The following PTPRD variants were observed in gnomAD, a reference collection of about 807,000 sequenced individuals.
The protein encoded by PTPRD is receptor-type tyrosine-protein phosphatase delta.
Under a neutral mutation model 214.5 loss-of-function variants are expected in PTPRD, and 34 were observed. The observed-to-expected ratio is 0.16, with a 90% CI of 0.12 to 0.21. The LOEUF (loss-of-function observed/expected upper bound fraction) is 0.21, where lower values mean the gene tolerates loss of function less well. Among genes scored for constraint, PTPRD ranks in the 10% least tolerant of loss-of-function variants. The probability of loss-of-function intolerance (pLI) is 1.00; values close to 1 mark genes in which losing one functional copy is unlikely to be tolerated. For synonymous variants in PTPRD, 1,128 were observed against 845.7 expected, an observed-to-expected ratio of 1.33 and a Z score of -5.79; for missense variants, 2,545 against 2,398.7, an observed-to-expected ratio of 1.06 and a Z score of -1.27.
At chr9:8,599,641 G>A (rs1480159709) in intron 14 of PTPRD, among the ~76,000 whole-genome samples, 1 of 11,138 alleles carries the variant, frequency 9.0e-5, no homozygotes, top group African/African-American at 3.3e-4. Context: ...TTTTTTTTTT[G>A]AAACGGAGTT....
rs552015606 is a variant in PTPRD, at chr9:8,731,649, A to G, written c.64+2131T>C. On this transcript the variant is annotated intron_variant, in intron 12 of 45. Transcript: ENST00000381196. The stretch of plus-strand genomic sequence containing the variant: ...TTAAACATTTTTAGTGACTAAAATG[A>G]TATCTCCGACTCTACCATGTGCTTT... 1.8e-4 allele frequency among the ~76,000 whole-genome samples: 27 copies of G among 152,350 alleles called. No homozygotes were observed. In the South Asian group the frequency reaches 5.4e-3, roughly 30 times the overall value.
At chr9:9,921,227 C>G (rs2082446225) in intron 5 of PTPRD, among the ~76,000 whole-genome samples, 1 of 152,082 alleles carries the variant, frequency 6.6e-6, no homozygotes, top group Admixed American at 6.6e-5. Context: ...CTGCTTTCAA[C>G]TCTCATTTTA....
chr9:9,311,933 T>G (rs1163128723), intron 9 of PTPRD, among the ~76,000 whole-genome samples: 1 of 152,188 alleles, frequency 6.6e-6, no homozygotes, highest in Admixed American at 6.5e-5. Context: ...TTTATACCAG[T>G]GTCAATAATA....
chr9:9,945,997 T>C (rs1566601501), intron 4 of PTPRD, among the ~76,000 whole-genome samples: 1 of 139,452 alleles, frequency 7.2e-6, no homozygotes, highest in Non-Finnish European at 1.5e-5. Context: ...TGATACAAAT[T>C]AAATGATATA....
intron 9 of PTPRD, among the ~76,000 whole-genome samples, chr9:9,222,230 C>G (rs1396358321): frequency 6.6e-6 from 1 of 152,032 alleles, no homozygotes; most frequent in South Asian, 2.1e-4. Flanking sequence ...CCACTAGATT[C>G]CTTGCCCAGA....
chr9:8,783,246 C>T (rs984974074), intron 11 of PTPRD, among the ~76,000 whole-genome samples: 2 of 152,150 alleles, frequency 1.3e-5, no homozygotes, highest in African/African-American at 4.8e-5. Context: ...TGTACATTGA[C>T]ATTCACAAGT....
At chr9:10,090,742 A>T (rs1462754327) in intron 3 of PTPRD, among the ~76,000 whole-genome samples, 2 of 145,804 alleles carry the variant, frequency 1.4e-5, no homozygotes, top group African/African-American at 5.1e-5. Context: ...AAACTTATTT[A>T]CATGTTAACT....
At chr9:9,893,218 C>T (rs2073960722) in intron 5 of PTPRD, among the ~76,000 whole-genome samples, 1 of 152,004 alleles carries the variant, frequency 6.6e-6, no homozygotes, top group Non-Finnish European at 1.5e-5. Context: ...ACCACATAAA[C>T]AAGTCTGCAA....
rs567543026 is a variant in PTPRD at position 9,915,506 on chromosome 9, G to A, written c.-368+23001C>T. On this transcript the variant is annotated intron_variant, in intron 5 of 45. Coordinates refer to ENST00000381196, the MANE Select transcript of PTPRD (RefSeq NM_002839.4). ...ACATCAGGAAGACAACTCATGATTT[G>A]AATGAGAAATTAAATAAAGAGATAG... Among the ~76,000 whole-genome samples the A allele has an allele frequency of 3.3e-5, 5 of 151,580 alleles. No homozygotes were observed. In the South Asian group the frequency reaches 1.0e-3, roughly 32 times the overall value.
At chr9:9,418,269 G>A (rs1426594253) in intron 8 of PTPRD, among the ~76,000 whole-genome samples, 1 of 151,974 alleles carries the variant, frequency 6.6e-6, no homozygotes, top group Non-Finnish European at 1.5e-5. Context: ...GGCCAACTGG[G>A]TTTTCTGCTT....
At chr9:8,583,345 C>T (rs989563182) in intron 14 of PTPRD, among the ~76,000 whole-genome samples, 7 of 152,060 alleles carry the variant, frequency 4.6e-5, no homozygotes, top group Non-Finnish European at 7.4e-5. Flanking sequence ...TGTTTCAACA[C>T]GGATTATTTG....
intron 5 of PTPRD, among the ~76,000 whole-genome samples, chr9:9,833,579 T>C (rs1270529854): frequency 1.0e-5 from 1 of 99,054 alleles, no homozygotes; most frequent in East Asian, 2.3e-4. Flanking sequence ...CAAAATTTAT[T>C]AGGCGGGAAT....
At chr9:9,488,612 G>C (rs1190211289) in intron 8 of PTPRD, among the ~76,000 whole-genome samples, 2 of 152,086 alleles carry the variant, frequency 1.3e-5, no homozygotes, top group Non-Finnish European at 2.9e-5. Flanking sequence ...CTGGGGAAGA[G>C]GATTCTAGGA....
chr9:8,552,235 G>A (rs545539707), intron 14 of PTPRD, among the ~76,000 whole-genome samples: 1 of 152,060 alleles, frequency 6.6e-6, no homozygotes, highest in Non-Finnish European at 1.5e-5. Flanking sequence ...ACTGAGAAAA[G>A]GAAAAGTCAC....
chr9:9,171,734 TTA>T (rs1008203841), intron 10 of PTPRD, among the ~76,000 whole-genome samples: 1 of 151,966 alleles, frequency 6.6e-6, no homozygotes, highest in Non-Finnish European at 1.5e-5. Flanking sequence ...ATTGATTATT[TTA>T]TATATATATG....
intron 11 of PTPRD, among the ~76,000 whole-genome samples, chr9:8,951,453 C>G (rs2099101785): frequency 6.6e-6 from 1 of 151,530 alleles, no homozygotes; most frequent in African/African-American, 2.4e-5. Flanking sequence ...CTGTTAACTT[C>G]AAGCACTGAA....
At chr9:8,977,788 G>C (rs75192921) in intron 11 of PTPRD, among the ~76,000 whole-genome samples, 11,764 of 151,716 alleles carry the variant, frequency 0.078, 775 homozygotes, top group East Asian at 0.27. Context: ...AGTAAAGAGA[G>C]TTTTAAATTA....
rs35506188 is a variant in PTPRD, at chr9:8,970,917, A to AC, written c.-104+47779_-104+47780insG. On this transcript the variant is annotated intron_variant, in intron 11 of 45. Transcript: ENST00000381196. ...AAACAAAACAAAACAAAACAAAACAAAACAACAACAAAAACCAAACAAAAA... is the reference window on the plus strand; with the variant it reads ...AAACAAAACAAAACAAAACAAAACAACAACAACAACAAAAACCAAACAAAAA... Among the ~76,000 whole-genome samples, 870 of 149,678 alleles carry AC rather than the reference A, an allele frequency of 5.8e-3. 47 individuals carry two copies. The South Asian group carries it at 0.12, about 20-fold the overall frequency.
At chr9:9,325,496 C>G (rs1300581463) in intron 9 of PTPRD, among the ~76,000 whole-genome samples, 1 of 152,038 alleles carries the variant, frequency 6.6e-6, no homozygotes, top group Non-Finnish European at 1.5e-5. Context: ...CTCTGTTTGT[C>G]TGTTGTTGGT....
Sources: gnomAD v4.1 joint callset for allele counts (sites outside exome capture counted in the v4.1 genomes callset) on GRCh38, gnomAD v4.1.1 for gene constraint, MANE v1.5 for transcripts, NCBI Gene and HGNC (gene_info 2026-07-23, HGNC 2026-07-21) for gene names.